Variants in DENND4C observed in about 807,000 individuals in gnomAD.
DENND4C encodes DENN domain containing 4C, also known as DENN domain-containing protein 4C.
In DENND4C, 108 loss-of-function variants were observed where a neutral mutation model predicts 203.0. The observed-to-expected ratio is 0.53, with a 90% CI of 0.46 to 0.62. DENND4C has a LOEUF of 0.62. Among genes scored for constraint, DENND4C ranks in the 20% least tolerant of loss-of-function variants. DENND4C has a pLI of 0.00. For missense variants in DENND4C, 2,481 were observed against 2,301.2 expected (o/e 1.08, Z -1.60); for synonymous variants, 871 against 792.4 (o/e 1.10, Z -1.67).
rs1829220142 is a variant in DENND4C at position 19,373,769 on chromosome 9, A to C, written c.*1596A>C. On this transcript the variant is annotated 3_prime_UTR_variant, in exon 33 of 33. Coordinates refer to ENST00000434457, the MANE Select transcript of DENND4C (RefSeq NM_001330640.2). ...TTTACAGTAATTATGCAGATGACTAAATGAGTTGACACAGTAAAATTACTT... is the reference window on the plus strand; with the variant it reads ...TTTACAGTAATTATGCAGATGACTACATGAGTTGACACAGTAAAATTACTT... 6.6e-6 allele frequency among the ~76,000 whole-genome samples: 1 copy of C among 152,068 alleles called. No individual in the cohort carries two copies. Among genetic ancestry groups the C allele is most frequent in the East Asian group, 1.9e-4 (1 of 5,200 alleles).
At chr9:19,307,859 A>G (rs959859759) in intron 10 of DENND4C, among the ~76,000 whole-genome samples, 88 of 151,946 alleles carry the variant, frequency 5.8e-4, no homozygotes, top group African/African-American at 2.1e-3. Context: ...TCTCCCAGAG[A>G]GGAGCTCCAG....
At chr9:19,330,427 C>G (rs559008357) in intron 16 of DENND4C, among the ~76,000 whole-genome samples, 1 of 147,972 alleles carries the variant, frequency 6.8e-6, no homozygotes, top group South Asian at 2.1e-4. Context: ...GCAACCTCTG[C>G]CTCCCAGGTT....
rs544955427 is a variant in DENND4C, at chr9:19,296,386, A to G, written c.1040+140A>G. 125 of 598,488 alleles carry G rather than the reference A, an allele frequency of 2.1e-4. No individual in the cohort carries two copies. The African/African-American group carries it at 2.3e-3, about 11-fold the overall frequency. The allele number at this position is 598,488 out of a possible 1,614,324, so 37.1% of individuals were successfully genotyped here. A position where few individuals can be genotyped will look rare whatever the true frequency, so the allele number is the denominator to read the frequency against. The stretch of plus-strand genomic sequence containing the variant: ...GAACTTTTTTTTTTTTTTTTTTGAG[A>G]TGGAGTATTGCTCTGTCACCCAGGC... On this transcript the variant is annotated intron_variant, in intron 6 of 32. Coordinates refer to ENST00000434457, the MANE Select transcript of DENND4C (RefSeq NM_001330640.2).
chr9:19,280,230 A>C (rs181912109), intron 2 of DENND4C, among the ~76,000 whole-genome samples: 1 of 151,424 alleles, frequency 6.6e-6, no homozygotes, highest in Non-Finnish European at 1.5e-5. Context: ...GCTCACTGCA[A>C]CCTCCACCTC....
chr9:19,315,029 G>A (rs556963063), intron 10 of DENND4C, among the ~76,000 whole-genome samples: 12 of 151,738 alleles, frequency 7.9e-5, no homozygotes, highest in South Asian at 2.1e-4. Context: ...GCGTGATGGC[G>A]CGCCCCTGTA....
At chr9:19,329,595 CTG>C (rs1209017852) in intron 16 of DENND4C, among the ~76,000 whole-genome samples, 5 of 152,140 alleles carry the variant, frequency 3.3e-5, no homozygotes, top group Non-Finnish European at 7.3e-5. Context: ...GATGGTTACT[CTG>C]TGTTCAACCC....
rs1432202710 is a variant in DENND4C, at chr9:19,241,061, G to T, written c.-18+10228G>T. Among the ~76,000 whole-genome samples the T allele has an allele frequency of 2.6e-5, 4 of 152,300 alleles. No homozygotes were observed. The East Asian group carries it at 7.7e-4, about 29-fold the overall frequency. On this transcript the variant is annotated intron_variant, in intron 1 of 32. Transcript: ENST00000434457. ...ACACCTATAATAGGGCACTTACCAC[G>T]AGAGGACCTTGCAGGAGTGGAAGTT...
chr9:19,264,514 C>G (rs1830083630), intron 1 of DENND4C, among the ~76,000 whole-genome samples: 1 of 151,730 alleles, frequency 6.6e-6, no homozygotes, highest in South Asian at 2.1e-4. Context: ...ACTATGTTGG[C>G]CAGGCTGGTC....
chr9:19,338,629 G>A (rs1820987792), intron 20 of DENND4C, among the ~76,000 whole-genome samples: 2 of 152,124 alleles, frequency 1.3e-5, no homozygotes, highest in Non-Finnish European at 2.9e-5. Flanking sequence ...GGATTATCTC[G>A]TGGAATCTTT....
intron 26 of DENND4C, among the ~76,000 whole-genome samples, 159 bp from the exon 27 acceptor site, chr9:19,356,813 G>GA (rs1825538817): frequency 6.6e-6 from 1 of 151,644 alleles, no homozygotes; most frequent in Non-Finnish European, 1.5e-5. Flanking sequence ...GAGAGAGAGA[G>GA]AGAGTGAGAG....
chr9:19,273,068 C>T (rs1293531143), intron 1 of DENND4C, among the ~76,000 whole-genome samples: 1 of 151,504 alleles, frequency 6.6e-6, no homozygotes, highest in Non-Finnish European at 1.5e-5. Context: ...CCTGCCTCAG[C>T]CTCCAAAGTA....
intron 26 of DENND4C, 110 bp downstream of exon 26, chr9:19,352,775 C>G: frequency 1.3e-6 from 1 of 748,366 alleles, no homozygotes. Flanking sequence ...CCTGTCTGTC[C>G]TTCACCTTCA....
At chr9:19,352,272 G>C in intron 25 of DENND4C, 90 bp downstream of exon 25, 1 of 1,250,006 alleles carries the variant, frequency 8.0e-7, no homozygotes, top group Non-Finnish European at 1.1e-6. Flanking sequence ...AGATACCCTT[G>C]TGGACAGTAT....
At chr9:19,250,531 A>T (rs550038975) in intron 1 of DENND4C, among the ~76,000 whole-genome samples, 1 of 152,018 alleles carries the variant, frequency 6.6e-6, no homozygotes, top group Admixed American at 6.6e-5. Context: ...CCCGACCCCA[A>T]AGTCTTAACT....
chr9:19,354,016 C>A (rs939539750), intron 26 of DENND4C, among the ~76,000 whole-genome samples: 1 of 152,164 alleles, frequency 6.6e-6, no homozygotes, highest in South Asian at 2.1e-4. Flanking sequence ...AGGGCCCTCT[C>A]GTGTTTATCC....
intron 1 of DENND4C, among the ~76,000 whole-genome samples, chr9:19,265,983 G>C (rs1479008526): frequency 6.6e-6 from 1 of 152,168 alleles, no homozygotes; most frequent in Non-Finnish European, 1.5e-5. Flanking sequence ...TAATGGGATG[G>C]CTGGGTCAAA....
At chr9:19,304,509 A>C (rs535299783) in intron 9 of DENND4C, among the ~76,000 whole-genome samples, 1 of 148,198 alleles carries the variant, frequency 6.7e-6, no homozygotes, top group Non-Finnish European at 1.5e-5. Flanking sequence ...TAAGATGTCA[A>C]ACATCACTGA....
chr9:19,341,916 C>A (rs959843323), intron 21 of DENND4C, among the ~76,000 whole-genome samples: 1 of 151,850 alleles, frequency 6.6e-6, no homozygotes, highest in African/African-American at 2.4e-5. Flanking sequence ...CGTGGTCAGG[C>A]GTTTGAGACC....
intron 30 of DENND4C, among the ~76,000 whole-genome samples, chr9:19,366,084 G>A (rs1221079879): frequency 6.6e-6 from 1 of 152,134 alleles, no homozygotes; most frequent in Non-Finnish European, 1.5e-5. Context: ...AAATTCATAT[G>A]GATGTTCAAG....
Sources: gnomAD v4.1 joint callset for allele counts (sites outside exome capture counted in the v4.1 genomes callset) on GRCh38, gnomAD v4.1.1 for gene constraint, MANE v1.5 for transcripts, NCBI Gene and HGNC (gene_info 2026-07-23, HGNC 2026-07-21) for gene names.